The following UNCX variants were observed in gnomAD, a reference collection of about 807,000 sequenced individuals.
The protein encoded by UNCX is homeobox protein unc-4 homolog.
In UNCX, 4 loss-of-function variants were observed where a neutral mutation model predicts 14.8. The ratio of observed to expected loss-of-function variants is 0.27; its 90% CI spans 0.13 to 0.62. The LOEUF (loss-of-function observed/expected upper bound fraction) is 0.62, where lower values mean the gene tolerates loss of function less well. UNCX is among the 20% of genes least tolerant of loss of function. The pLI, the probability that UNCX is intolerant of heterozygous loss-of-function variation, is 0.86. For missense variants in UNCX, 749 were observed against 786.8 expected (o/e 0.95, Z 0.58); for synonymous variants, 459 against 395.8 (o/e 1.16, Z -1.90).
Position 1,233,410 on chromosome 7 carries a change from T to C in UNCX, c.275-110T>C, listed in dbSNP as rs1778681607. ...GAGAGCCGGCTCCTAGGCGGCCGTC[T>C]CTGCGCCCCCCCCCCCGGATCCAGG... is the stretch of plus-strand genomic sequence containing the variant. On this transcript the variant is annotated intron_variant, in intron 1 of 2. Coordinates refer to ENST00000316333, the MANE Select transcript of UNCX (RefSeq NM_001080461.3). The surrounding 1 kb of genome is among the most constrained non-coding windows in gnomAD (Gnocchi z 5.3). 3 of 1,163,246 alleles carry C rather than the reference T, an allele frequency of 2.6e-6. No homozygotes were observed. The highest frequency in any genetic ancestry group is 2.1e-5 in the African/African-American group (1 of 48,420). 72.1% of individuals were successfully genotyped at this position (1,163,246 alleles called of 1,614,324 possible). A position where few individuals can be genotyped will look rare whatever the true frequency, so the allele number is the denominator to read the frequency against.
At chr7:1,234,490 G>A (rs868209049) in intron 2 of UNCX, among the ~76,000 whole-genome samples, 1 of 151,808 alleles carries the variant, frequency 6.6e-6, no homozygotes, top group South Asian at 2.1e-4. Flanking sequence ...GCGGTGTGGG[G>A]TCCAGGTCTG....
intron 2 of UNCX, among the ~76,000 whole-genome samples, chr7:1,235,028 G>A (rs915391890): frequency 2.0e-5 from 3 of 152,198 alleles, no homozygotes; most frequent in South Asian, 4.1e-4. Flanking sequence ...TGCCGTCCCC[G>A]GATGTCCTGT....
At position 1,233,146 on chromosome 7, in the gene UNCX, GGCCGCC is replaced by G; in HGVS notation, c.139_144del (p.Ala47_Ala48del). ...AGCTGGCCGGGCACCAGCTGCAGTCGGCCGCCGCCGCCGCCTCGGTGCCCTTCTCCA... is the reference window on the plus strand; with the variant it reads ...AGCTGGCCGGGCACCAGCTGCAGTCGGCCGCCGCCTCGGTGCCCTTCTCCA... On this transcript the variant is annotated inframe_deletion, in exon 1 of 3. Coordinates refer to ENST00000316333, the MANE Select transcript of UNCX (RefSeq NM_001080461.3). This position sits in a 1 kb window ranked among gnomAD's most constrained non-coding sequence, Gnocchi z 5.3. The G allele has an allele frequency of 6.8e-7, 1 of 1,463,432 alleles. No homozygotes were observed. Among genetic ancestry groups the G allele is most frequent in the East Asian group, 3.0e-5 (1 of 32,794 alleles). The allele number at this position is 1,463,432 out of a possible 1,614,324, so 90.7% of individuals were successfully genotyped here. A position where few individuals can be genotyped will look rare whatever the true frequency, so the allele number is the denominator to read the frequency against.
intron 2 of UNCX, among the ~76,000 whole-genome samples, chr7:1,234,046 G>A (rs1350277520): frequency 6.6e-6 from 1 of 152,202 alleles, no homozygotes; most frequent in Non-Finnish European, 1.5e-5. Flanking sequence ...GGGCCGGCTT[G>A]GCTCCGACCC....
In UNCX at chr7:1,236,625, T is replaced by C. The variant is rs1408627483; in HGVS notation, c.1244T>C (p.Val415Ala). The C allele has an allele frequency of 3.7e-6, 4 of 1,066,898 alleles. No homozygotes were observed. The highest frequency in any genetic ancestry group is 4.5e-6 in the Non-Finnish European group (4 of 889,256). 66.1% of individuals were successfully genotyped at this position (1,066,898 alleles called of 1,614,324 possible). ...APKDAPPAPA[V>A]PPAPPAQASF... is the part of the protein sequence containing the mutation. ...AAGGACGCGCCGCCCGCGCCCGCCG[T>C]GCCGCCCGCGCCGCCTGCCCAGGCC... Residue 415 changes from valine to alanine, a missense_variant, in exon 3 of 3, where the codon GTG (valine) becomes GCG (alanine). Val to Ala is a moderately conservative substitution (Grantham distance 64). This residue lies in a region of UNCX where 552 missense variants were observed against 507.2 expected (regional missense o/e 1.09). Coordinates refer to ENST00000316333, the MANE Select transcript of UNCX (RefSeq NM_001080461.3). This position sits in a 1 kb window ranked among gnomAD's most constrained non-coding sequence, Gnocchi z 6.9.
At chr7:1,235,106 G>T (rs954874164) in intron 2 of UNCX, among the ~76,000 whole-genome samples, 5 of 152,224 alleles carry the variant, frequency 3.3e-5, no homozygotes, top group African/African-American at 1.2e-4. Context: ...TCTCCTTCCG[G>T]CCTGGTGGTC....
At chr7:1,234,076 A>ACCCCCCCCCCCCCCC (rs751327990) in intron 2 of UNCX, among the ~76,000 whole-genome samples, 1 of 126,614 alleles carries the variant, frequency 7.9e-6, no homozygotes, top group African/African-American at 3.0e-5. Context: ...AGGGAAGGGG[A>ACCCCCCCCCCCCCCC]CCCCCCCCCG....
At position 1,235,872 on chromosome 7, in the gene UNCX, A is replaced by T. The variant is rs773964143; in HGVS notation, c.491A>T (p.Glu164Val). The change falls in exon 3 of 3, where the codon GAG becomes GTG. Residue 164 changes from glutamate to valine, a missense_variant. Glu to Val is a moderately radical substitution (Grantham distance 121). Transcript: ENST00000316333. ...QNRRAKWRKK[E>V]NTKKGPGRPA... ...CGCCGGGCCAAGTGGAGGAAGAAGG[A>T]GAACACGAAAAAGGGCCCGGGGCGG... 6.2e-7 allele frequency: 1 copy of T among 1,612,104 alleles called. No homozygotes were observed. The highest frequency in any genetic ancestry group is 8.5e-7 in the Non-Finnish European group (1 of 1,179,648).
Position 1,233,347 on chromosome 7 carries a change from G to C in UNCX, c.274+56G>C. 1 of 1,335,574 alleles carries C rather than the reference G, an allele frequency of 7.5e-7. No individual in the cohort carries two copies. Among genetic ancestry groups the C allele is most frequent in the Non-Finnish European group, 9.5e-7 (1 of 1,050,522 alleles). The allele number at this position is 1,335,574 out of a possible 1,614,324, so 82.7% of individuals were successfully genotyped here. On this transcript the variant is annotated intron_variant, in intron 1 of 2. Coordinates refer to ENST00000316333, the MANE Select transcript of UNCX (RefSeq NM_001080461.3). This position sits in a 1 kb window ranked among gnomAD's most constrained non-coding sequence, Gnocchi z 5.3. Reference sequence around the variant, plus strand: ...AGTGCGGCTGGGGGCGGGGGCCCTGGTCCGGCCGAGGCGCTGGGGGGCCCG... The same window carrying C: ...AGTGCGGCTGGGGGCGGGGGCCCTGCTCCGGCCGAGGCGCTGGGGGGCCCG...
chr7:1,236,342 C>T lies in UNCX; in HGVS notation c.961C>T (p.Arg321Cys). 7.7e-7 allele frequency: 1 copy of T among 1,296,260 alleles called. No individual in the cohort carries two copies. Among genetic ancestry groups the T allele is most frequent in the Non-Finnish European group, 9.8e-7 (1 of 1,021,878 alleles). 80.3% of individuals were successfully genotyped at this position (1,296,260 alleles called of 1,614,324 possible). The change falls in exon 3 of 3, where the codon CGC becomes TGC. Residue 321 changes from arginine to cysteine, a missense_variant. By Grantham distance (180) the Arg-to-Cys change is radical. Transcript: ENST00000316333. The surrounding 1 kb of genome is among the most constrained non-coding windows in gnomAD (Gnocchi z 6.9). ...AGGGGCCGCTGTGGCGGCGGTGGAG[C>T]GCGGCGCCGCGGGGCTGCCCAAGGC... is the stretch of plus-strand genomic sequence containing the variant. ...GPGAAVAAVE[R>C]GAAGLPKASP... is the part of the protein sequence containing the mutation.
rs559130948 is a variant in UNCX, at chr7:1,233,614, G to T, written c.369G>T (p.Ala123=). The T allele has an allele frequency of 6.0e-5, 97 of 1,613,012 alleles. No homozygotes were observed. Among genetic ancestry groups the T allele is most frequent in the Non-Finnish European group, 7.6e-5 (90 of 1,179,894 alleles). ...TGWQLEELEK[A]FNESHYPDVF... ...GGCAGCTGGAGGAGCTGGAGAAGGCGTTCAACGAGAGCCACTATCCCGACG... is the reference window on the plus strand; with the variant it reads ...GGCAGCTGGAGGAGCTGGAGAAGGCTTTCAACGAGAGCCACTATCCCGACG... The change falls in exon 2 of 3, where the codon GCG becomes GCT. Residue 123 remains alanine (A), a synonymous_variant. Transcript: ENST00000316333. The surrounding 1 kb of genome is among the most constrained non-coding windows in gnomAD (Gnocchi z 5.3).
In UNCX at chr7:1,236,003, G is replaced by A. The variant is rs764113947; in HGVS notation, c.622G>A (p.Glu208Lys). The A allele has an allele frequency of 4.7e-5, 76 of 1,608,504 alleles. No homozygotes were observed. The highest frequency in any genetic ancestry group is 6.0e-5 in the Non-Finnish European group (71 of 1,178,402). Residue 208 changes from glutamate (E) to lysine (K), a missense_variant, in exon 3 of 3, where the codon GAG becomes AAG. Glu to Lys is a moderately conservative substitution (Grantham distance 56, BLOSUM62 1). Transcript: ENST00000316333. The surrounding 1 kb of genome is among the most constrained non-coding windows in gnomAD (Gnocchi z 6.9). ...GATGGAGAAGAAGAAGCGCAAGCACGAGAAGAAGCTGCTGAAGAGCCAGGG... is the reference window on the plus strand; with the variant it reads ...GATGGAGAAGAAGAAGCGCAAGCACAAGAAGAAGCTGCTGAAGAGCCAGGG... ...EKMEKKKRKH[E>K]KKLLKSQGRH...
In UNCX at chr7:1,235,960, G is replaced by C; in HGVS notation, c.579G>C (p.Ala193=). The change falls in exon 3 of 3, where the codon GCG becomes GCC. Residue 193 remains alanine, a synonymous_variant. Coordinates refer to ENST00000316333, the MANE Select transcript of UNCX (RefSeq NM_001080461.3). ...SGEPMDPEEI[A]RKELEKMEKK... is the part of the protein sequence containing the mutation. The stretch of plus-strand genomic sequence containing the variant: ...AGCCCATGGACCCGGAGGAGATCGC[G>C]CGCAAGGAGCTGGAGAAGATGGAGA... The C allele has an allele frequency of 6.2e-7, 1 of 1,612,136 alleles. No individual in the cohort carries two copies. The highest frequency in any genetic ancestry group is 8.5e-7 in the Non-Finnish European group (1 of 1,179,514).
At position 1,233,648 on chromosome 7, in the gene UNCX, C is replaced by A; in HGVS notation, c.403C>A (p.Arg135Ser). 6.2e-7 allele frequency: 1 copy of A among 1,612,376 alleles called. No homozygotes were observed. Among genetic ancestry groups the A allele is most frequent in the Non-Finnish European group, 8.5e-7 (1 of 1,179,464 alleles). ...NESHYPDVFM[R>S]EALALRLDLV... is the part of the protein sequence containing the mutation. Reference sequence around the variant, plus strand: ...GAGCCACTATCCCGACGTGTTCATGCGCGAGGCGCTGGCGCTGCGCCTAGA... The same window carrying A: ...GAGCCACTATCCCGACGTGTTCATGAGCGAGGCGCTGGCGCTGCGCCTAGA... The change falls in exon 2 of 3, where the codon CGC (arginine) becomes AGC (serine). Residue 135 changes from arginine to serine, a missense_variant. By Grantham distance (110) the Arg-to-Ser change is moderately radical. Transcript: ENST00000316333. The surrounding 1 kb of genome is among the most constrained non-coding windows in gnomAD (Gnocchi z 5.3).
In UNCX at chr7:1,235,203, G is replaced by C. The variant is rs561112490; in HGVS notation, c.451-629G>C. On this transcript the variant is annotated intron_variant, in intron 2 of 2. Transcript: ENST00000316333. The stretch of plus-strand genomic sequence containing the variant: ...GGCTCCGTTGGCGCCCTGGCCCAGG[G>C]TTTGCGGAAAGAAGGCTGTGTTAGC... Among the ~76,000 whole-genome samples the C allele has an allele frequency of 4.3e-4, 66 of 152,374 alleles. No individual in the cohort carries two copies. In the Middle Eastern group the frequency reaches 0.01, roughly 24 times the overall value.
At position 1,236,233 on chromosome 7, in the gene UNCX, C is replaced by T. The variant is rs1241040082; in HGVS notation, c.852C>T (p.Ala284=). The change falls in exon 3 of 3, where the codon GCC becomes GCT. Residue 284 remains alanine, a synonymous_variant. Coordinates refer to ENST00000316333, the MANE Select transcript of UNCX (RefSeq NM_001080461.3). This position sits in a 1 kb window ranked among gnomAD's most constrained non-coding sequence, Gnocchi z 6.9. ...CTGCACCCGGCACCTGCGACCCCGC[C>T]TTCTACCCGAGCCAAAGAAGCGGCG... The part of the protein sequence containing the change: ...EPPAPGTCDP[A]FYPSQRSGAG... The T allele has an allele frequency of 1.5e-6, 2 of 1,364,688 alleles. No individual in the cohort carries two copies. Among genetic ancestry groups the T allele is most frequent in the Admixed American group, 5.3e-5 (2 of 37,782 alleles). The allele number at this position is 1,364,688 out of a possible 1,614,324, so 84.5% of individuals were successfully genotyped here.
rs147868978 is a variant in UNCX, at chr7:1,234,531, G to A, written c.450+836G>A. Among the ~76,000 whole-genome samples the A allele has an allele frequency of 1.5e-3, 231 of 151,850 alleles. 1 individual carries two copies. Among genetic ancestry groups the A allele is most frequent in the African/African-American group, 5.5e-3 (228 of 41,424 alleles). On this transcript the variant is annotated intron_variant, in intron 2 of 2. Transcript: ENST00000316333. ...CGGTGTGCGGTTGTGGGTGCTAGGCGTTGAGGCAGACGCTGGCAAAACGCC... is the reference window on the plus strand; with the variant it reads ...CGGTGTGCGGTTGTGGGTGCTAGGCATTGAGGCAGACGCTGGCAAAACGCC...
Position 1,233,276 on chromosome 7 carries a change from C to A in UNCX, c.259C>A (p.Pro87Thr). 1 of 1,331,682 alleles carries A rather than the reference C, an allele frequency of 7.5e-7. No homozygotes were observed. The highest frequency in any genetic ancestry group is 2.0e-5 in the South Asian group (1 of 49,872). The allele number at this position is 1,331,682 out of a possible 1,614,324, so 82.5% of individuals were successfully genotyped here. A position where few individuals can be genotyped will look rare whatever the true frequency, so the allele number is the denominator to read the frequency against. The change falls in exon 1 of 3, where the codon CCC becomes ACC. Residue 87 changes from proline to threonine, a missense_variant. By Grantham distance (38) the Pro-to-Thr change is conservative (BLOSUM62 -1). Around this residue, in one of 3 missense-constraint regions of UNCX, gnomAD observed 155 missense variants for 166.7 expected, o/e 0.93. Coordinates refer to ENST00000316333, the MANE Select transcript of UNCX (RefSeq NM_001080461.3). This position sits in a 1 kb window ranked among gnomAD's most constrained non-coding sequence, Gnocchi z 5.3. ...CTGCGGGGTCGGCGGGGACGGCCAG[C>A]CCTTCAAGCTGTCAGGTAGGCGCGG... ...AACGVGGDGQ[P>T]FKLSDSGDPD...
chr7:1,233,537 A>G lies in UNCX; in HGVS notation c.292A>G (p.Lys98Glu). Residue 98 changes from lysine to glutamate, a missense_variant, in exon 2 of 3, where the codon AAG (lysine) becomes GAG (glutamate). Physicochemically the swap from Lys to Glu is moderately conservative, Grantham distance 56. Transcript: ENST00000316333. The surrounding 1 kb of genome is among the most constrained non-coding windows in gnomAD (Gnocchi z 5.3). ...FKLSDSGDPD[K>E]ESPGCKRRRT... ...GCCCGCAGACTCGGGGGACCCGGACAAGGAGAGCCCGGGCTGCAAGCGGCG... is the reference window on the plus strand; with the variant it reads ...GCCCGCAGACTCGGGGGACCCGGACGAGGAGAGCCCGGGCTGCAAGCGGCG... The G allele has an allele frequency of 6.2e-7, 1 of 1,611,848 alleles. No individual in the cohort carries two copies. The highest frequency in any genetic ancestry group is 8.5e-7 in the Non-Finnish European group (1 of 1,179,526).
Sources: allele counts gnomAD v4.1 joint callset (sites outside exome capture counted in the v4.1 genomes callset), GRCh38; gene constraint gnomAD v4.1.1; regional missense constraint gnomAD v4.1.1; non-coding constraint Gnocchi (gnomAD v3.1); transcripts MANE v1.5; gene names NCBI Gene and HGNC (gene_info 2026-07-23, HGNC 2026-07-21).